The following ZNF618 variants were observed in gnomAD, a reference collection of about 807,000 sequenced individuals.
The protein encoded by ZNF618 is neural precursor cell expressed, developmentally down-regulated 10.
In ZNF618, 34 loss-of-function variants were observed where a neutral mutation model predicts 103.0. The ratio of observed to expected loss-of-function variants is 0.33; its 90% CI spans 0.25 to 0.44. The LOEUF (loss-of-function observed/expected upper bound fraction) is 0.44, where lower values mean the gene tolerates loss of function less well. ZNF618 is among the 20% of genes least tolerant of loss of function. The pLI is 1.00. For missense variants in ZNF618, 1,059 were observed against 1,295.4 expected (o/e 0.82, Z 2.80); for synonymous variants, 551 against 542.2 (o/e 1.02, Z -0.23).
chr9:114,029,100 A>G, intron 11 of ZNF618, 128 bp downstream of exon 11: 1 of 1,326,972 alleles, frequency 7.5e-7, no homozygotes, highest in Non-Finnish European at 1.0e-6. Context: ...GATCTGGGAC[A>G]AATCTGAGTC....
At chr9:113,919,201 T>C (rs991727220) in intron 1 of ZNF618, among the ~76,000 whole-genome samples, 6 of 152,106 alleles carry the variant, frequency 3.9e-5, no homozygotes, top group African/African-American at 1.4e-4. Context: ...GAGACAGGGC[T>C]GGCAGAGCCT....
intron 1 of ZNF618, among the ~76,000 whole-genome samples, chr9:113,905,071 C>T (rs745440527): frequency 1.4e-5 from 2 of 147,176 alleles, no homozygotes; most frequent in Admixed American, 7.0e-5. Flanking sequence ...ACTTGGAAAC[C>T]GTTTGATTTT....
intron 2 of ZNF618, among the ~76,000 whole-genome samples, chr9:113,985,245 G>A (rs1274184728): frequency 1.3e-5 from 2 of 152,214 alleles, no homozygotes; most frequent in African/African-American, 4.8e-5. Context: ...TTGACCCTAG[G>A]ATGATCCAAC....
At chr9:113,948,166 G>C (rs572826412) in intron 1 of ZNF618, among the ~76,000 whole-genome samples, 2 of 152,054 alleles carry the variant, frequency 1.3e-5, no homozygotes, top group Non-Finnish European at 2.9e-5. Context: ...TAAATGGAGC[G>C]GTGGAATTTT....
chr9:113,898,437 C>CTT (rs771877141), intron 1 of ZNF618, among the ~76,000 whole-genome samples: 2 of 118,106 alleles, frequency 1.7e-5, no homozygotes, highest in Non-Finnish European at 1.8e-5. Flanking sequence ...TCAGATTTTT[C>CTT]GTTTTTTTTT....
At chr9:114,031,546 G>A (rs545456333) in intron 11 of ZNF618, among the ~76,000 whole-genome samples, 70 of 152,312 alleles carry the variant, frequency 4.6e-4, no homozygotes, top group African/African-American at 1.7e-3. Flanking sequence ...TCCGGAGCAG[G>A]GTGGACCAGG....
chr9:113,976,048 A>G (rs895649629), intron 2 of ZNF618, among the ~76,000 whole-genome samples: 1 of 152,210 alleles, frequency 6.6e-6, no homozygotes. Flanking sequence ...GTTACCATTT[A>G]CCATTCAACC....
chr9:114,003,227 C>T (rs1841420918), intron 6 of ZNF618, among the ~76,000 whole-genome samples: 1 of 152,256 alleles, frequency 6.6e-6, no homozygotes, highest in African/African-American at 2.4e-5. Context: ...TGCGACAGCA[C>T]TGCTGCTCAC....
chr9:113,885,165 G>A (rs1828946486), intron 1 of ZNF618, among the ~76,000 whole-genome samples: 1 of 152,122 alleles, frequency 6.6e-6, no homozygotes, highest in Non-Finnish European at 1.5e-5. Context: ...TGTAAGTGAC[G>A]TGGCAGTGGG....
intron 1 of ZNF618, among the ~76,000 whole-genome samples, chr9:113,937,958 C>T (rs1834171862): frequency 6.6e-6 from 1 of 151,848 alleles, no homozygotes; most frequent in African/African-American, 2.4e-5. Flanking sequence ...AGATTTGTAC[C>T]AGGGGGCTCT....
At chr9:114,037,810 G>T (rs953694301) in intron 13 of ZNF618, among the ~76,000 whole-genome samples, 2 of 152,168 alleles carry the variant, frequency 1.3e-5, no homozygotes, top group African/African-American at 4.8e-5. Flanking sequence ...GAAATCAGAT[G>T]ATCTTTTTGG....
At chr9:114,007,265 G>C in intron 6 of ZNF618, 85 bp from the exon 7 acceptor site, 1 of 1,152,294 alleles carries the variant, frequency 8.7e-7, no homozygotes, top group East Asian at 2.5e-5. Context: ...TTTCATCTTT[G>C]GTTTCTGAGA....
chr9:114,012,625 C>T (rs565884900), intron 9 of ZNF618, among the ~76,000 whole-genome samples: 32 of 152,036 alleles, frequency 2.1e-4, no homozygotes, highest in Non-Finnish European at 3.8e-4. Context: ...AGGAGTGAGA[C>T]GAGGAAGGAT....
chr9:114,050,833 T>C lies in ZNF618; in HGVS notation c.*666T>C, dbSNP rs1222383383. ...TGCATCAGATGGACGGTTTCTGCAC[T>C]GGACTTTGTTTCTTGTTCACCTTCA... On this transcript the variant is annotated 3_prime_UTR_variant, in exon 15 of 15. Coordinates refer to ENST00000374126, the MANE Select transcript of ZNF618 (RefSeq NM_001318042.2). 6.5e-6 allele frequency: 1 copy of C among 152,828 alleles called. No individual in the cohort carries two copies. Among genetic ancestry groups the C allele is most frequent in the East Asian group, 1.9e-4 (1 of 5,196 alleles). 9.5% of individuals were successfully genotyped at this position (152,828 alleles called of 1,614,324 possible).
At chr9:113,966,310 A>G (rs1032595028) in intron 1 of ZNF618, among the ~76,000 whole-genome samples, 2 of 152,184 alleles carry the variant, frequency 1.3e-5, no homozygotes, top group Non-Finnish European at 1.5e-5. Context: ...TCGCAGAGCT[A>G]GAAAACGGCA....
chr9:113,988,847 C>G (rs1839745591), intron 3 of ZNF618, among the ~76,000 whole-genome samples: 2 of 152,216 alleles, frequency 1.3e-5, no homozygotes, highest in South Asian at 4.1e-4. Context: ...CTGGAACCTT[C>G]CGGGGGCCCA....
intron 2 of ZNF618, among the ~76,000 whole-genome samples, chr9:113,975,420 ATCT>A (rs768992642): frequency 2.0e-5 from 3 of 152,228 alleles, no homozygotes; most frequent in Admixed American, 6.5e-5. Flanking sequence ...AATTATTTAT[ATCT>A]TCTTCTTGTT....
At chr9:114,005,018 G>A (rs1220913085) in intron 6 of ZNF618, among the ~76,000 whole-genome samples, 1 of 152,224 alleles carries the variant, frequency 6.6e-6, no homozygotes, top group Non-Finnish European at 1.5e-5. Flanking sequence ...ATTTGTGACA[G>A]TATTAGGTTA....
intron 13 of ZNF618, among the ~76,000 whole-genome samples, chr9:114,042,205 CA>C (rs1845256258): frequency 6.6e-6 from 1 of 152,220 alleles, no homozygotes; most frequent in African/African-American, 2.4e-5. Flanking sequence ...ACCATAATTT[CA>C]CTATTCAAAG....
Sources: allele counts gnomAD v4.1 joint callset (sites outside exome capture counted in the v4.1 genomes callset), GRCh38; gene constraint gnomAD v4.1.1; transcripts MANE v1.5; gene names NCBI Gene and HGNC (gene_info 2026-07-23, HGNC 2026-07-21).